The following MAP2K6 variants were observed in gnomAD, a reference collection of about 807,000 sequenced individuals.
MAP2K6 encodes the protein mitogen-activated protein kinase kinase 6.
Under a neutral mutation model 53.7 loss-of-function variants are expected in MAP2K6, and 16 were observed. The observed-to-expected ratio is 0.30, with a 90% CI of 0.20 to 0.45. The LOEUF (loss-of-function observed/expected upper bound fraction) is 0.45. MAP2K6 is among the 20% of genes least tolerant of loss of function. The probability of loss-of-function intolerance (pLI) is 1.00; values close to 1 mark genes in which losing one functional copy is unlikely to be tolerated. For missense variants in MAP2K6, 204 were observed against 411.9 expected (o/e 0.50, Z 4.37); for synonymous variants, 132 against 143.1 (o/e 0.92, Z 0.55).
At chr17:69,465,457 A>G (rs566416588) in intron 1 of MAP2K6, among the ~76,000 whole-genome samples, 1 of 152,170 alleles carries the variant, frequency 6.6e-6, no homozygotes, top group African/African-American at 2.4e-5. Flanking sequence ...TGTGTATTCA[A>G]TCAGCAAATG....
At chr17:69,432,032 G>A (rs140618706) in intron 1 of MAP2K6, among the ~76,000 whole-genome samples, 7 of 152,338 alleles carry the variant, frequency 4.6e-5, no homozygotes, top group African/African-American at 1.7e-4. Flanking sequence ...TGGAGGTGCT[G>A]TAGATCCAGC....
At chr17:69,465,027 A>G (rs954869126) in intron 1 of MAP2K6, among the ~76,000 whole-genome samples, 2 of 151,982 alleles carry the variant, frequency 1.3e-5, no homozygotes, top group East Asian at 3.8e-4. Flanking sequence ...CTGTGCATTT[A>G]TTTAAGAGAA....
chr17:69,442,023 G>A (rs746181410), intron 1 of MAP2K6, among the ~76,000 whole-genome samples: 1 of 152,118 alleles, frequency 6.6e-6, no homozygotes, highest in Non-Finnish European at 1.5e-5. Context: ...CAGTGGTAGA[G>A]GTCTTGATTT....
chr17:69,449,694 G>T (rs1235709427), intron 1 of MAP2K6, among the ~76,000 whole-genome samples: 1 of 130,984 alleles, frequency 7.6e-6, no homozygotes, highest in Non-Finnish European at 1.6e-5. Flanking sequence ...CTCACTGCAG[G>T]CTCCGCCCCC....
chr17:69,479,532 A>C (rs550554447), intron 1 of MAP2K6, among the ~76,000 whole-genome samples: 58 of 152,262 alleles, frequency 3.8e-4, no homozygotes, highest in African/African-American at 1.3e-3. Context: ...AAAATTAAAA[A>C]AAAAATTCAA....
At chr17:69,509,869 T>G (rs978176379) in intron 2 of MAP2K6, among the ~76,000 whole-genome samples, 2 of 151,988 alleles carry the variant, frequency 1.3e-5, no homozygotes, top group Non-Finnish European at 2.9e-5. Flanking sequence ...TGAGACAGGG[T>G]CTCACTCTGT....
chr17:69,536,247 A>G (rs3815035), intron 11 of MAP2K6, 87 bp downstream of exon 11: 151,493 of 925,806 alleles, frequency 0.16, 14,131 homozygotes, highest in African/African-American at 0.32. Flanking sequence ...TCACATCACC[A>G]TATTGGAAGA....
chr17:69,447,236 C>T (rs1906998347), intron 1 of MAP2K6, among the ~76,000 whole-genome samples: 1 of 152,072 alleles, frequency 6.6e-6, no homozygotes, highest in Non-Finnish European at 1.5e-5. Context: ...GCCTCGGCCT[C>T]CCAAAGTGTT....
intron 1 of MAP2K6, among the ~76,000 whole-genome samples, chr17:69,474,787 T>C (rs74483993): frequency 0.018 from 2,701 of 152,356 alleles, 91 homozygotes; most frequent in African/African-American, 0.062. Flanking sequence ...CATTTGCTCT[T>C]TAGCTCCTAA....
chr17:69,445,171 TC>T (rs1457402151), intron 1 of MAP2K6, among the ~76,000 whole-genome samples: 1 of 152,176 alleles, frequency 6.6e-6, no homozygotes, highest in African/African-American at 2.4e-5. Context: ...TCTGCCCACC[TC>T]GGCCTCCCAA....
At chr17:69,541,602 C>T (rs1358331249) in intron 11 of MAP2K6, 74 bp from the exon 12 acceptor site, 1 of 1,129,506 alleles carries the variant, frequency 8.9e-7, no homozygotes, top group Non-Finnish European at 1.3e-6. Flanking sequence ...CCAAGCAGAT[C>T]TATTCATTTG....
chr17:69,443,049 C>T (rs921270252), intron 1 of MAP2K6, among the ~76,000 whole-genome samples: 3 of 152,168 alleles, frequency 2.0e-5, no homozygotes, highest in Non-Finnish European at 4.4e-5. Context: ...TCTCTTCCCA[C>T]CCAGACCATC....
intron 1 of MAP2K6, among the ~76,000 whole-genome samples, chr17:69,417,285 G>T (rs909298362): frequency 1.3e-5 from 2 of 152,128 alleles, no homozygotes; most frequent in Admixed American, 1.3e-4. Flanking sequence ...TCTAACCCAA[G>T]AAATGGGAGG....
intron 1 of MAP2K6, among the ~76,000 whole-genome samples, chr17:69,469,690 G>A (rs1907924051): frequency 1.3e-5 from 2 of 152,178 alleles, no homozygotes; most frequent in African/African-American, 4.8e-5. Context: ...TTGAACCTGG[G>A]AAGCAGAGGT....
intron 10 of MAP2K6, among the ~76,000 whole-genome samples, chr17:69,533,753 T>C (rs1225668681): frequency 6.9e-6 from 1 of 145,396 alleles, no homozygotes; most frequent in African/African-American, 2.6e-5. Flanking sequence ...TTTTTTTTTT[T>C]ACCAGGGTCT....
chr17:69,444,344 A>T (rs1906906842), intron 1 of MAP2K6, among the ~76,000 whole-genome samples: 1 of 152,118 alleles, frequency 6.6e-6, no homozygotes, highest in African/African-American at 2.4e-5. Context: ...GGCCTTGAGG[A>T]TGATTTCTGG....
chr17:69,429,589 G>T (rs1322677461), intron 1 of MAP2K6, among the ~76,000 whole-genome samples: 1 of 152,168 alleles, frequency 6.6e-6, no homozygotes, highest in Non-Finnish European at 1.5e-5. Context: ...TTTCAACTAT[G>T]TGTATATTTC....
intron 1 of MAP2K6, among the ~76,000 whole-genome samples, chr17:69,438,637 A>G (rs1242195270): frequency 6.6e-6 from 1 of 152,118 alleles, no homozygotes; most frequent in Non-Finnish European, 1.5e-5. Flanking sequence ...CCCAGGCTGT[A>G]ATGCAGTGGC....
chr17:69,516,747 C>A, intron 2 of MAP2K6, 108 bp from the exon 3 acceptor site: 2 of 775,746 alleles, frequency 2.6e-6, no homozygotes, highest in African/African-American at 1.8e-5. Flanking sequence ...TACTCATGAA[C>A]TTCCACTTTC....
Sources: allele counts gnomAD v4.1 joint callset (sites outside exome capture counted in the v4.1 genomes callset), GRCh38; gene constraint gnomAD v4.1.1; transcripts MANE v1.5; gene names NCBI Gene and HGNC (gene_info 2026-07-23, HGNC 2026-07-21).